TRPC7: variants seen among roughly 807,000 people sequenced by gnomAD.
The protein encoded by TRPC7 is short transient receptor potential channel 7.
A neutral mutation model predicts 90.1 loss-of-function variants in TRPC7; 42 were observed. That is an observed-to-expected ratio of 0.47 (90% confidence interval 0.36 to 0.60). TRPC7 has a LOEUF of 0.60. Among genes scored for constraint, TRPC7 ranks in the 20% least tolerant of loss-of-function variants. TRPC7 has a pLI of 0.00. For missense variants in TRPC7, 955 were observed against 1,112.3 expected, an observed-to-expected ratio of 0.86 and a Z score of 2.01; for synonymous variants, 451 against 436.3, an observed-to-expected ratio of 1.03 and a Z score of -0.42.
chr5:136,220,842 G>A (rs181943832), intron 10 of TRPC7, among the ~76,000 whole-genome samples: 174 of 152,148 alleles, frequency 1.1e-3, no homozygotes, highest in South Asian at 2.1e-4. Flanking sequence ...TGGTCCTACC[G>A]ATATATGATG....
intron 2 of TRPC7, among the ~76,000 whole-genome samples, chr5:136,317,932 C>T (rs1370775049): frequency 6.6e-6 from 1 of 152,216 alleles, no homozygotes; most frequent in Non-Finnish European, 1.5e-5. Flanking sequence ...TAGAGACTGT[C>T]ACTTCCCTGG....
Position 136,274,671 on chromosome 5 carries a change from A to G in TRPC7, c.1128+2T>C. On this transcript the variant is annotated splice_donor_variant, in intron 4 of 11. Coordinates refer to ENST00000513104, the MANE Select transcript of TRPC7 (RefSeq NM_020389.3). LOFTEE classifies it high-confidence loss of function. ...ACGACATGCACCTTAAGCAGTCTGT[A>G]CCTTGCTGCACGGAGCAATCCAATA... 6.2e-7 allele frequency: 1 copy of G among 1,612,194 alleles called. No individual in the cohort carries two copies. The highest frequency in any genetic ancestry group is 8.5e-7 in the Non-Finnish European group (1 of 1,179,362).
chr5:136,273,139 C>T (rs140707552), intron 4 of TRPC7, among the ~76,000 whole-genome samples: 2 of 152,182 alleles, frequency 1.3e-5, no homozygotes, highest in African/African-American at 2.4e-5. Flanking sequence ...TTTTAATGAT[C>T]GAACAGCCTA....
At chr5:136,355,167 G>A (rs1245563199) in intron 2 of TRPC7, among the ~76,000 whole-genome samples, 1 of 152,148 alleles carries the variant, frequency 6.6e-6, no homozygotes, top group Non-Finnish European at 1.5e-5. Flanking sequence ...GAGAAATAAT[G>A]AGCCCAGTTG....
chr5:136,300,143 G>A (rs1580922607), intron 3 of TRPC7, among the ~76,000 whole-genome samples: 1 of 152,344 alleles, frequency 6.6e-6, no homozygotes, highest in East Asian at 1.9e-4. Flanking sequence ...ATAGTTTTCT[G>A]TCCTGTCATG....
At chr5:136,305,317 C>A (rs61299732) in intron 3 of TRPC7, among the ~76,000 whole-genome samples, 6 of 151,844 alleles carry the variant, frequency 4.0e-5, no homozygotes, top group Non-Finnish European at 8.8e-5. Context: ...CAGGCCTAAT[C>A]GCCACACACC....
intron 2 of TRPC7, among the ~76,000 whole-genome samples, chr5:136,339,305 G>C (rs912144719): frequency 4.6e-5 from 7 of 152,118 alleles, no homozygotes; most frequent in Non-Finnish European, 7.4e-5. Context: ...TTTGCTCAGG[G>C]ACCAAAACTG....
intron 2 of TRPC7, among the ~76,000 whole-genome samples, chr5:136,321,825 C>T (rs1431536136): frequency 6.6e-6 from 1 of 152,132 alleles, no homozygotes; most frequent in Non-Finnish European, 1.5e-5. Context: ...AGACTGGGTC[C>T]TTTCCCTCAG....
intron 2 of TRPC7, among the ~76,000 whole-genome samples, chr5:136,332,587 A>G (rs1347999083): frequency 6.6e-6 from 1 of 152,152 alleles, no homozygotes; most frequent in Non-Finnish European, 1.5e-5. Context: ...GAGTAAGGAG[A>G]GGAGGAGTAT....
intron 3 of TRPC7, among the ~76,000 whole-genome samples, chr5:136,293,491 A>C (rs1427877434): frequency 2.6e-5 from 4 of 152,074 alleles, no homozygotes; most frequent in South Asian, 2.1e-4. Flanking sequence ...TCTTATACAC[A>C]AATAACGGAC....
chr5:136,336,052 G>T lies in TRPC7; in HGVS notation c.781-20273C>A, dbSNP rs747858121. On this transcript the variant is annotated intron_variant, in intron 2 of 11. Transcript: ENST00000513104. ...TCTGTCCACTGAGGACACTGAGCCC[G>T]GTCACACCTCTGCACATCCTCATTC... is the stretch of plus-strand genomic sequence containing the variant. Among the ~76,000 whole-genome samples the T allele has an allele frequency of 1.1e-4, 17 of 151,682 alleles. No homozygotes were observed. In the South Asian group the frequency reaches 1.2e-3, roughly 11 times the overall value.
chr5:136,349,414 G>T (rs764510788), intron 2 of TRPC7, among the ~76,000 whole-genome samples: 1 of 152,164 alleles, frequency 6.6e-6, no homozygotes, highest in Non-Finnish European at 1.5e-5. Flanking sequence ...GGGAGGAAAA[G>T]TTGTGGTGCT....
At chr5:136,331,711 G>A (rs1318294485) in intron 2 of TRPC7, among the ~76,000 whole-genome samples, 1 of 152,184 alleles carries the variant, frequency 6.6e-6, no homozygotes, top group Non-Finnish European at 1.5e-5. Context: ...GTGTGCGCCA[G>A]AGCTGTAGCC....
intron 3 of TRPC7, among the ~76,000 whole-genome samples, chr5:136,307,212 G>A (rs1262165670): frequency 6.6e-6 from 1 of 152,072 alleles, no homozygotes; most frequent in African/African-American, 2.4e-5. Context: ...TAGTTACCAT[G>A]TTGTGCAATA....
chr5:136,270,152 G>A (rs1334425980), intron 4 of TRPC7, among the ~76,000 whole-genome samples: 1 of 152,166 alleles, frequency 6.6e-6, no homozygotes, highest in Admixed American at 6.5e-5. Flanking sequence ...AATGGTGCTC[G>A]TGTAACTAGA....
rs533347173 is a variant in TRPC7, at chr5:136,322,019, A to AT, written c.781-6241dup. On this transcript the variant is annotated intron_variant, in intron 2 of 11. Transcript: ENST00000513104. ...GCTGCTATAAATATTCCTGTACAAG[A>AT]TTTTTTTTTTTTTAAGACGGAGTTT... Among the ~76,000 whole-genome samples, 369 of 146,846 alleles carry AT rather than the reference A, an allele frequency of 2.5e-3. 4 individuals are homozygous for AT. The highest frequency in any genetic ancestry group is 0.023 in the South Asian group (108 of 4,614).
chr5:136,275,512 GT>G lies in TRPC7; in HGVS notation c.964-676del, dbSNP rs1490374516. On this transcript the variant is annotated intron_variant, in intron 3 of 11. Transcript: ENST00000513104. Reference sequence around the variant, plus strand: ...CCCAGTGGTGTTGGGCTTGAATCCAGTTTTTTTGTGGCGTGATGGAGCACCA... The same window carrying G: ...CCCAGTGGTGTTGGGCTTGAATCCAGTTTTTTGTGGCGTGATGGAGCACCA... 3.9e-5 allele frequency among the ~76,000 whole-genome samples: 6 copies of G among 152,226 alleles called. No individual in the cohort carries two copies. In the South Asian group the frequency reaches 6.2e-4, roughly 16 times the overall value.
intron 1 of TRPC7, among the ~76,000 whole-genome samples, chr5:136,359,258 T>C (rs1760485323): frequency 6.6e-6 from 1 of 152,208 alleles, no homozygotes; most frequent in Non-Finnish European, 1.5e-5. Context: ...ACTCTAATCC[T>C]GCCTGGAGCT....
chr5:136,340,333 C>T (rs956013923), intron 2 of TRPC7, among the ~76,000 whole-genome samples: 1 of 151,904 alleles, frequency 6.6e-6, no homozygotes, highest in African/African-American at 2.4e-5. Context: ...ATGTTGGTTC[C>T]AAAGTACAGA....
Sources: gnomAD v4.1 joint callset for allele counts (sites outside exome capture counted in the v4.1 genomes callset) on GRCh38, gnomAD v4.1.1 for gene constraint, MANE v1.5 for transcripts, NCBI Gene and HGNC (gene_info 2026-07-23, HGNC 2026-07-21) for gene names.